Variants in DYSF observed in about 807,000 individuals in gnomAD.
The protein encoded by DYSF is dystrophy-associated fer-1-like 1.
In DYSF, 212 loss-of-function variants were observed where a neutral mutation model predicts 274.9. That is an observed-to-expected ratio of 0.77 (90% CI 0.69 to 0.86). The LOEUF (loss-of-function observed/expected upper bound fraction) is 0.86. Among genes scored for constraint, DYSF ranks in the 40% least tolerant of loss-of-function variants. The probability of loss-of-function intolerance (pLI) is 0.00; values close to 1 mark genes in which losing one functional copy is unlikely to be tolerated. For missense variants in DYSF, 2,666 were observed against 2,783.2 expected (o/e 0.96, Z 0.95); for synonymous variants, 1,091 against 1,078.7 (o/e 1.01, Z -0.22).
At chr2:71,622,517 G>A (rs959978754) in intron 41 of DYSF, among the ~76,000 whole-genome samples, 2 of 152,204 alleles carry the variant, frequency 1.3e-5, no homozygotes, top group Non-Finnish European at 1.5e-5. Flanking sequence ...ATTCTAATGA[G>A]ACTGCCTCTA....
intron 36 of DYSF, among the ~76,000 whole-genome samples, chr2:71,606,690 C>T (rs902451394): frequency 1.9e-4 from 29 of 152,056 alleles, no homozygotes; most frequent in Non-Finnish European, 3.4e-4. Context: ...GTCATGTAGA[C>T]GGGGTTAAGA....
chr2:71,479,547 C>T (rs1027637649), intron 1 of DYSF, among the ~76,000 whole-genome samples: 3 of 152,230 alleles, frequency 2.0e-5, no homozygotes, highest in African/African-American at 7.2e-5. Flanking sequence ...TCCCAGCCTA[C>T]GGCTCTTCCA....
rs1437062252 is a variant in DYSF, at chr2:71,570,906, A to G, written c.3228+165A>G. On this transcript the variant is annotated intron_variant, in intron 29 of 55. Coordinates refer to ENST00000410020, the MANE Select transcript of DYSF (RefSeq NM_001130987.2). ...CACAGATCACACCCAGCATACCCAA[A>G]GATCACACCCAGCATACACACAGAT... is the stretch of plus-strand genomic sequence containing the variant. 5 of 980,710 alleles carry G rather than the reference A, an allele frequency of 5.1e-6. No homozygotes were observed. The East Asian group carries it at 1.3e-4, about 26-fold the overall frequency. 60.8% of individuals were successfully genotyped at this position (980,710 alleles called of 1,614,324 possible).
At chr2:71,632,076 T>C (rs1232089801) in intron 41 of DYSF, among the ~76,000 whole-genome samples, 1 of 152,202 alleles carries the variant, frequency 6.6e-6, no homozygotes, top group African/African-American at 2.4e-5. Flanking sequence ...GGGATATTCT[T>C]GGCTTCCCTT....
intron 32 of DYSF, 98 bp from the exon 33 acceptor site, chr2:71,598,466 C>T: frequency 1.4e-6 from 2 of 1,434,452 alleles, no homozygotes; most frequent in Non-Finnish European, 1.9e-6. Context: ...GCAGCCACAA[C>T]CCTGCTCCAG....
intron 55 of DYSF, 36 bp from the exon 56 acceptor site, chr2:71,686,418 G>A (rs2095357362): frequency 6.2e-7 from 1 of 1,613,356 alleles, no homozygotes; most frequent in Non-Finnish European, 8.5e-7. Flanking sequence ...GCCCCAGTGG[G>A]ATCACCATGG....
At chr2:71,564,016 G>A in intron 23 of DYSF, 42 bp from the exon 24 acceptor site, 2 of 1,612,578 alleles carry the variant, frequency 1.2e-6, no homozygotes, top group African/African-American at 2.7e-5. Flanking sequence ...GCGTGGGCCT[G>A]GTGTGTCACC....
chr2:71,549,236 A>G lies in DYSF; in HGVS notation c.1577-1805A>G, dbSNP rs115183182. The G allele has an allele frequency of 9.2e-3, 9,156 of 990,056 alleles. 73 individuals carry two copies. The highest frequency in any genetic ancestry group is 0.012 in the Non-Finnish European group (7,826 of 634,454). 61.3% of individuals were successfully genotyped at this position (990,056 alleles called of 1,614,324 possible). The stretch of plus-strand genomic sequence containing the variant: ...GGGCCACATCTGTTTCACACCCGGG[A>G]GCTGTCTTTCCATCTGTCTGCCTGC... On this transcript the variant is annotated intron_variant, in intron 17 of 55. Coordinates refer to ENST00000410020, the MANE Select transcript of DYSF (RefSeq NM_001130987.2).
At chr2:71,472,438 A>G (rs543558892) in intron 1 of DYSF, among the ~76,000 whole-genome samples, 1 of 152,080 alleles carries the variant, frequency 6.6e-6, no homozygotes, top group Non-Finnish European at 1.5e-5. Context: ...ACAGAGTCTC[A>G]TTCTGTCGCC....
intron 53 of DYSF, among the ~76,000 whole-genome samples, chr2:71,680,451 CCGACTTCTAAA>C: frequency 6.6e-6 from 1 of 152,266 alleles, no homozygotes; most frequent in Non-Finnish European, 1.5e-5. Flanking sequence ...ACTCTGTCAT[CCGACTTCTAAA>C]ATCCTTCTAA....
intron 4 of DYSF, among the ~76,000 whole-genome samples, chr2:71,510,295 T>G (rs556040630): frequency 6.6e-6 from 1 of 152,310 alleles, no homozygotes; most frequent in African/African-American, 2.4e-5. Flanking sequence ...TGAACTGGCA[T>G]CTCTAGGAGT....
intron 1 of DYSF, among the ~76,000 whole-genome samples, chr2:71,478,833 T>A (rs1393949514): frequency 6.6e-6 from 1 of 151,760 alleles, no homozygotes; most frequent in African/African-American, 2.4e-5. Context: ...GTGCTCTCTT[T>A]CTCTTTTTTT....
intron 4 of DYSF, among the ~76,000 whole-genome samples, chr2:71,507,938 G>C (rs1352359843): frequency 2.0e-5 from 3 of 152,196 alleles, no homozygotes; most frequent in African/African-American, 7.2e-5. Context: ...TACAAGCATG[G>C]CTACCACGCC....
chr2:71,547,185 G>A (rs747592150), intron 17 of DYSF, among the ~76,000 whole-genome samples: 1 of 152,244 alleles, frequency 6.6e-6, no homozygotes, highest in African/African-American at 2.4e-5. Context: ...ACTGTCTGCA[G>A]ACACAGGGGC....
chr2:71,462,556 A>G (rs112327125), upstream of DYSF, among the ~76,000 whole-genome samples: 4,064 of 152,250 alleles, frequency 0.027, 160 homozygotes, highest in African/African-American at 0.09. Flanking sequence ...CCTGCTGTTC[A>G]GTGGGTCCTG....
In DYSF at chr2:71,559,830, C is replaced by T. The variant is rs140962831; in HGVS notation, c.2217-1922C>T. Among the ~76,000 whole-genome samples the T allele has an allele frequency of 1.1e-3, 163 of 152,360 alleles. 1 individual carries two copies. The highest frequency in any genetic ancestry group is 6.8e-3 in the Middle Eastern group (2 of 294). Reference sequence around the variant, plus strand: ...GGACTTCCTGAGAGCAGGGCCAGGTCTCATCTCTGGAGGCAGCATCCAGTC... The same window carrying T: ...GGACTTCCTGAGAGCAGGGCCAGGTTTCATCTCTGGAGGCAGCATCCAGTC... On this transcript the variant is annotated intron_variant, in intron 22 of 55. Transcript: ENST00000410020.
chr2:71,618,839 G>C (rs2094016696), intron 40 of DYSF, among the ~76,000 whole-genome samples: 1 of 151,840 alleles, frequency 6.6e-6, no homozygotes, highest in Non-Finnish European at 1.5e-5. Flanking sequence ...TAGTGTGCAG[G>C]AGGCCTCGGG....
Position 71,479,183 on chromosome 2 carries a change from T to G in DYSF, c.92-1700T>G, listed in dbSNP as rs183782470. On this transcript the variant is annotated intron_variant, in intron 1 of 55. Coordinates refer to ENST00000410020, the MANE Select transcript of DYSF (RefSeq NM_001130987.2). Reference sequence around the variant, plus strand: ...AGAGCCGACCCAAATAAAAGTTCTGTGTCAGGCTGAACCCTTTGAATTGTC... The same window carrying G: ...AGAGCCGACCCAAATAAAAGTTCTGGGTCAGGCTGAACCCTTTGAATTGTC... 1.7e-3 allele frequency among the ~76,000 whole-genome samples: 145 copies of G among 83,146 alleles called. 11 individuals carry two copies. Among genetic ancestry groups the G allele is most frequent in the Non-Finnish European group, 3.9e-3 (126 of 31,972 alleles). The allele number at this position is 83,146 out of a possible 152,430, so 54.5% of individuals were successfully genotyped here. A position where few individuals can be genotyped will look rare whatever the true frequency, so the allele number is the denominator to read the frequency against.
rs781380886 is a variant in DYSF, at chr2:71,526,267, C to A, written c.1197C>A (p.Asn399Lys). 3 of 1,614,150 alleles carry A rather than the reference C, an allele frequency of 1.9e-6. No individual in the cohort carries two copies. The African/African-American group carries it at 4.0e-5, about 22-fold the overall frequency. The change falls in exon 13 of 56, where the codon AAC becomes AAA. Residue 399 changes from asparagine to lysine, a missense_variant. Physicochemically the swap from Asn to Lys is moderately conservative, Grantham distance 94 (BLOSUM62 0). Coordinates refer to ENST00000410020, the MANE Select transcript of DYSF (RefSeq NM_001130987.2). Reference sequence around the variant, plus strand: ...AAGACAAGGAGGACATTGAAAGCAACCTGCTCCGGCCCACAGGCGTAGCCC... The same window carrying A: ...AAGACAAGGAGGACATTGAAAGCAAACTGCTCCGGCCCACAGGCGTAGCCC... ...PSEDKEDIESNLLRPTGVALR... is the reference protein window; with the variant it reads ...PSEDKEDIESKLLRPTGVALR...
Sources: gnomAD v4.1 joint callset for allele counts (sites outside exome capture counted in the v4.1 genomes callset) on GRCh38, gnomAD v4.1.1 for gene constraint, MANE v1.5 for transcripts, NCBI Gene and HGNC (gene_info 2026-07-23, HGNC 2026-07-21) for gene names.